The following NHS variants were observed in gnomAD, a reference collection of about 807,000 sequenced individuals.
NHS encodes NHS actin remodeling regulator, also known as actin remodeling regulator NHS.
NHS carries 5 observed loss-of-function variants against 72.5 expected under a neutral mutation model. The ratio of observed to expected loss-of-function variants is 0.07; its 90% CI spans 0.04 to 0.14. The LOEUF (loss-of-function observed/expected upper bound fraction) is 0.14. Ranked by LOEUF, NHS falls within the 10% of genes least tolerant of loss-of-function variation. The pLI is 1.00. For synonymous variants in NHS, 464 were observed against 547.7 expected, an observed-to-expected ratio of 0.85 and a Z score of 2.13; for missense variants, 1,072 against 1,355.7, an observed-to-expected ratio of 0.79 and a Z score of 3.29.
intron 1 of NHS, among the ~76,000 whole-genome samples, chrX:17,547,682 G>T (rs1468234123): frequency 1.8e-5 from 2 of 112,962 alleles, no homozygotes; most frequent in Non-Finnish European, 3.7e-5. Flanking sequence ...GAGGCTAAGT[G>T]TTAGAGGTGG....
chrX:17,711,934 A>C (rs1392640740), intron 3 of NHS, among the ~76,000 whole-genome samples: 1 of 110,242 alleles, frequency 9.1e-6, no homozygotes, highest in African/African-American at 3.3e-5. Context: ...TAAACTTTAT[A>C]AGTATTTTAT....
intron 1 of NHS, among the ~76,000 whole-genome samples, chrX:17,580,220 A>G (rs947965589): frequency 4.5e-5 from 5 of 111,378 alleles, no homozygotes; most frequent in Admixed American, 3.8e-4. Context: ...CTGTAGAGCT[A>G]TCATAAAACC....
chrX:17,422,467 C>T (rs901230517), intron 1 of NHS, among the ~76,000 whole-genome samples: 3 of 110,956 alleles, frequency 2.7e-5, no homozygotes, highest in African/African-American at 9.9e-5. Flanking sequence ...TGTCTCTTCT[C>T]GATGGTTCTT....
chrX:17,575,998 G>C (rs1372155648), intron 1 of NHS, among the ~76,000 whole-genome samples: 3 of 112,038 alleles, frequency 2.7e-5, no homozygotes, highest in Non-Finnish European at 5.6e-5. Flanking sequence ...TGCATAGCAA[G>C]AAAAGATAGT....
chrX:17,662,703 T>C (rs1424150970), intron 1 of NHS, among the ~76,000 whole-genome samples: 1 of 111,775 alleles, frequency 8.9e-6, no homozygotes, highest in Non-Finnish European at 1.9e-5. Flanking sequence ...TTCTCTGCTA[T>C]TATTCTAGCA....
intron 1 of NHS, among the ~76,000 whole-genome samples, chrX:17,452,206 GT>G (rs2064808372): frequency 9.0e-6 from 1 of 111,630 alleles, no homozygotes; most frequent in African/African-American, 3.3e-5. Context: ...GGGGCACATT[GT>G]TGAAGCACCT....
intron 1 of NHS, among the ~76,000 whole-genome samples, chrX:17,566,198 T>C (rs1276580989): frequency 9.1e-6 from 1 of 110,072 alleles, no homozygotes; most frequent in Non-Finnish European, 1.9e-5. Context: ...GCCCAGGCTG[T>C]TCTCTAACTC....
At chrX:17,424,800 T>C (rs1257460774) in intron 1 of NHS, among the ~76,000 whole-genome samples, 2 of 112,309 alleles carry the variant, frequency 1.8e-5, no homozygotes, top group Non-Finnish European at 3.8e-5. Context: ...CAGATTTTGG[T>C]AAATCAGGTT....
Position 17,461,308 on chromosome X carries a change from C to G in NHS, c.565+84986C>G, listed in dbSNP as rs201298111. 3.9e-4 allele frequency among the ~76,000 whole-genome samples: 44 copies of G among 111,981 alleles called. No homozygotes were observed. The East Asian group carries it at 4.0e-3, about 10-fold the overall frequency. ...CATTGAGCTAGTTCCATCTCCTTGGCCTAATCAATCCCAAATTCCATGAAT... is the reference window on the plus strand; with the variant it reads ...CATTGAGCTAGTTCCATCTCCTTGGGCTAATCAATCCCAAATTCCATGAAT... On this transcript the variant is annotated intron_variant, in intron 1 of 8. Transcript: ENST00000676302.
At chrX:17,385,778 A>AT (rs1246515746) in intron 1 of NHS, among the ~76,000 whole-genome samples, 2 of 112,334 alleles carry the variant, frequency 1.8e-5, no homozygotes, top group Non-Finnish European at 3.8e-5. Flanking sequence ...ATATGTATGA[A>AT]TTTTTAAGAA....
chrX:17,537,344 A>G (rs2065231425), intron 1 of NHS, among the ~76,000 whole-genome samples: 1 of 111,593 alleles, frequency 9.0e-6, no homozygotes, highest in Non-Finnish European at 1.9e-5. Context: ...TTTAAACTGG[A>G]GCAAATCTAC....
chrX:17,408,966 A>AGC (rs1475883303), intron 1 of NHS, among the ~76,000 whole-genome samples: 1 of 110,900 alleles, frequency 9.0e-6, no homozygotes, highest in African/African-American at 3.3e-5. Flanking sequence ...AGAGAGAGAG[A>AGC]GAGAGAGAGA....
intron 1 of NHS, among the ~76,000 whole-genome samples, chrX:17,618,460 G>A (rs992293089): frequency 8.9e-6 from 1 of 111,952 alleles, no homozygotes; most frequent in South Asian, 3.7e-4. Context: ...ATTTCTCTAA[G>A]TACAAATAAA....
intron 1 of NHS, among the ~76,000 whole-genome samples, chrX:17,637,263 C>G (rs2065855000): frequency 8.9e-6 from 1 of 111,734 alleles, no homozygotes; most frequent in Non-Finnish European, 1.9e-5. Context: ...AGAAATAAGG[C>G]CCTGCCAGAA....
chrX:17,468,217 G>A (rs1323812600), intron 1 of NHS, among the ~76,000 whole-genome samples: 1 of 111,159 alleles, frequency 9.0e-6, no homozygotes. Flanking sequence ...AAAAAAATGA[G>A]GAATGAGCTC....
chrX:17,561,572 G>A (rs201037874), intron 1 of NHS, among the ~76,000 whole-genome samples: 5,569 of 59,610 alleles, frequency 0.093, 615 homozygotes, highest in African/African-American at 0.33. Flanking sequence ...GCGCGCGCGC[G>A]CGCACACACA....
chrX:17,381,498 T>A (rs1007295184), intron 1 of NHS, among the ~76,000 whole-genome samples: 7 of 112,018 alleles, frequency 6.2e-5, no homozygotes, highest in African/African-American at 1.6e-4. Flanking sequence ...TCCCAATTTC[T>A]ACCCTTATCA....
chrX:17,540,948 TG>T lies in NHS; in HGVS notation c.566-146793del, dbSNP rs1192000526. On this transcript the variant is annotated intron_variant, in intron 1 of 8. Transcript: ENST00000676302. ...TTAGCTGGGCATGGTGGTGTGTGCCTGTAGTCTCAGCTACTTGGGAGGCTGA... is the reference window on the plus strand; with the variant it reads ...TTAGCTGGGCATGGTGGTGTGTGCCTTAGTCTCAGCTACTTGGGAGGCTGA... Among the ~76,000 whole-genome samples, 6 of 111,827 alleles carry T rather than the reference TG, an allele frequency of 5.4e-5. No homozygotes were observed. The East Asian group carries it at 1.7e-3, about 32-fold the overall frequency.
At chrX:17,629,315 T>C (rs2065813862) in intron 1 of NHS, among the ~76,000 whole-genome samples, 1 of 111,975 alleles carries the variant, frequency 8.9e-6, no homozygotes, top group Non-Finnish European at 1.9e-5. Flanking sequence ...AAGCAAAGCA[T>C]ATTGTTCTCT....
Sources: gnomAD v4.1 joint callset for allele counts (sites outside exome capture counted in the v4.1 genomes callset) on GRCh38, gnomAD v4.1.1 for gene constraint, MANE v1.5 for transcripts, NCBI Gene and HGNC (gene_info 2026-07-23, HGNC 2026-07-21) for gene names.